The following TLN2 variants were observed in gnomAD, a reference collection of about 807,000 sequenced individuals.
The protein encoded by TLN2 is talin 2, also known as talin-2.
Under a neutral mutation model 294.7 loss-of-function variants are expected in TLN2, and 118 were observed. That is an observed-to-expected ratio of 0.40 (90% CI 0.34 to 0.47). The LOEUF is 0.47. TLN2 is among the 20% of genes least tolerant of loss of function. The pLI, the probability that TLN2 is intolerant of heterozygous loss-of-function variation, is 0.84. For missense variants in TLN2, 3,083 were observed against 3,282.2 expected (o/e 0.94, Z 1.48); for synonymous variants, 1,431 against 1,304.5 (o/e 1.10, Z -2.09).
rs570363212 is a variant in TLN2 at position 62,762,712 on chromosome 15, A to G, written c.4961+259A>G. On this transcript the variant is annotated intron_variant, in intron 39 of 58. Coordinates refer to ENST00000636159, the MANE Select transcript of TLN2 (RefSeq NM_015059.3). Reference sequence around the variant, plus strand: ...AGTCTTATAAGGTACCACTGTCATTATTTCCATTGTACTGATGAAAAAATT... The same window carrying G: ...AGTCTTATAAGGTACCACTGTCATTGTTTCCATTGTACTGATGAAAAAATT... Among the ~76,000 whole-genome samples the G allele has an allele frequency of 3.3e-5, 5 of 152,344 alleles. No homozygotes were observed. The East Asian group carries it at 7.7e-4, about 23-fold the overall frequency.
At chr15:62,592,313 C>A (rs1453158051) in intron 2 of TLN2, among the ~76,000 whole-genome samples, 1 of 152,122 alleles carries the variant, frequency 6.6e-6, no homozygotes, top group Non-Finnish European at 1.5e-5. Context: ...TTCTGGCTTT[C>A]ATTTGTCTTA....
intron 2 of TLN2, among the ~76,000 whole-genome samples, chr15:62,595,761 A>T (rs1302362195): frequency 6.6e-6 from 1 of 152,228 alleles, no homozygotes; most frequent in East Asian, 1.9e-4. Flanking sequence ...AGCAACATGG[A>T]TGAACCTGGA....
chr15:62,588,789 T>C (rs1596264351), intron 1 of TLN2, among the ~76,000 whole-genome samples: 2 of 147,326 alleles, frequency 1.4e-5, no homozygotes, highest in Non-Finnish European at 3.0e-5. Context: ...CTAGTAACAA[T>C]TTTTTTAATC....
chr15:62,697,808 G>A lies in TLN2; in HGVS notation c.1413G>A (p.Met471Ile). ...CTGAGACCTTCAACGTTGGCAGCAT[G>A]CCCTCGCCACAGCAGCAGGTCATGG... Reference protein sequence around the residue: ...SGPETFNVGSMPSPQQQVMVG... With the variant: ...SGPETFNVGSIPSPQQQVMVG... The change falls in exon 15 of 59, where the codon ATG (methionine) becomes ATA (isoleucine). Residue 471 changes from methionine to isoleucine, a missense_variant. Coordinates refer to ENST00000636159, the MANE Select transcript of TLN2 (RefSeq NM_015059.3). The A allele has an allele frequency of 1.2e-6, 2 of 1,612,996 alleles. No homozygotes were observed. The highest frequency in any genetic ancestry group is 8.5e-7 in the Non-Finnish European group (1 of 1,179,854).
intron 20 of TLN2, among the ~76,000 whole-genome samples, 195 bp downstream of exon 20, chr15:62,707,448 A>T (rs1488568935): frequency 1.3e-5 from 2 of 152,214 alleles, no homozygotes; most frequent in African/African-American, 4.8e-5. Flanking sequence ...TCTTTGCCCA[A>T]GTCCTCAGGC....
intron 1 of TLN2, among the ~76,000 whole-genome samples, chr15:62,498,658 G>C (rs2039144707): frequency 6.6e-6 from 1 of 152,164 alleles, no homozygotes; most frequent in African/African-American, 2.4e-5. Flanking sequence ...TCACAGGAAA[G>C]TGAGGTACAT....
chr15:62,673,084 G>GTGTGTGTGTGTGTC (rs2055638819), intron 9 of TLN2, among the ~76,000 whole-genome samples: 1 of 151,454 alleles, frequency 6.6e-6, no homozygotes, highest in Non-Finnish European at 1.5e-5. Context: ...GTGTGTGTGT[G>GTGTGTGTGTGTGTC]TGTGTGTGTG....
intron 46 of TLN2, among the ~76,000 whole-genome samples, chr15:62,794,989 A>G (rs2065359832): frequency 6.6e-6 from 1 of 152,220 alleles, no homozygotes. Context: ...TCCAGCCACT[A>G]GCCTGACACA....
intron 1 of TLN2, among the ~76,000 whole-genome samples, chr15:62,465,800 T>C (rs914924206): frequency 3.3e-5 from 5 of 151,638 alleles, no homozygotes; most frequent in African/African-American, 1.2e-4. Flanking sequence ...TTGTAAAGCA[T>C]TTTTTTTTCT....
At chr15:62,615,048 C>T (rs7171481) in intron 2 of TLN2, among the ~76,000 whole-genome samples, 3,189 of 152,118 alleles carry the variant, frequency 0.021, 123 homozygotes, top group African/African-American at 0.074. Flanking sequence ...TCAGGGGATC[C>T]GCCTGCCTCG....
In TLN2 at chr15:62,800,394, T is replaced by G; in HGVS notation, c.6261T>G (p.Asp2087Glu). The stretch of plus-strand genomic sequence containing the variant: ...TGGTTTTGATCAATGCCATCAAAGA[T>G]GTGGCCAAGGCCCTTTCTGATCTCA... ...TQVVLINAIK[D>E]VAKALSDLIS... The change falls in exon 49 of 59, where the codon GAT becomes GAG. Residue 2087 changes from aspartate (D) to glutamate (E), a missense_variant. Asp to Glu is a conservative substitution (Grantham distance 45). Coordinates refer to ENST00000636159, the MANE Select transcript of TLN2 (RefSeq NM_015059.3). 1 of 1,614,120 alleles carries G rather than the reference T, an allele frequency of 6.2e-7. No homozygotes were observed. Among genetic ancestry groups the G allele is most frequent in the Non-Finnish European group, 8.5e-7 (1 of 1,180,014 alleles).
At chr15:62,473,157 T>C (rs891927587) in intron 1 of TLN2, among the ~76,000 whole-genome samples, 2 of 152,176 alleles carry the variant, frequency 1.3e-5, no homozygotes, top group South Asian at 2.1e-4. Flanking sequence ...TCCCAGGGCG[T>C]AGACTTTTAA....
chr15:62,391,091 GT>G, intron 1 of TLN2, among the ~76,000 whole-genome samples: 3 of 152,330 alleles, frequency 2.0e-5, no homozygotes, highest in Middle Eastern at 6.8e-3. Flanking sequence ...TGCATAGAGT[GT>G]CCCCTCGACC....
chr15:62,426,283 C>A (rs1436305429), intron 1 of TLN2, among the ~76,000 whole-genome samples: 2 of 152,190 alleles, frequency 1.3e-5, no homozygotes, highest in African/African-American at 4.8e-5. Flanking sequence ...TTATCTTTTT[C>A]CCTCTCCCCA....
intron 9 of TLN2, among the ~76,000 whole-genome samples, chr15:62,662,489 G>C (rs1210227578): frequency 1.3e-5 from 2 of 152,140 alleles, no homozygotes; most frequent in African/African-American, 4.8e-5. Context: ...CCTCACAAAA[G>C]TTGATCAAAT....
intron 3 of TLN2, among the ~76,000 whole-genome samples, chr15:62,623,459 A>G (rs1338158294): frequency 3.3e-5 from 5 of 152,182 alleles, no homozygotes; most frequent in Non-Finnish European, 7.4e-5. Flanking sequence ...TCATGAGCAT[A>G]CTTTTGCAGT....
intron 53 of TLN2, 31 bp downstream of exon 53, chr15:62,819,652 G>C: frequency 3.1e-6 from 5 of 1,588,284 alleles, no homozygotes; most frequent in Non-Finnish European, 4.3e-6. Context: ...TTGGTGGAGG[G>C]CAACCCTCCC....
intron 1 of TLN2, among the ~76,000 whole-genome samples, chr15:62,499,419 C>T (rs2039188130): frequency 6.6e-6 from 1 of 152,170 alleles, no homozygotes; most frequent in Non-Finnish European, 1.5e-5. Flanking sequence ...TACTGCACTT[C>T]AGCCTGGGTT....
chr15:62,722,661 C>G (rs1448380291), intron 26 of TLN2, among the ~76,000 whole-genome samples, 174 bp downstream of exon 26: 1 of 152,200 alleles, frequency 6.6e-6, no homozygotes, highest in Non-Finnish European at 1.5e-5. Context: ...AAGCCACTAT[C>G]TCCCAGACTT....
Sources: allele counts gnomAD v4.1 joint callset (sites outside exome capture counted in the v4.1 genomes callset), GRCh38; gene constraint gnomAD v4.1.1; transcripts MANE v1.5; gene names NCBI Gene and HGNC (gene_info 2026-07-23, HGNC 2026-07-21).